The following CALD1 variants were observed in gnomAD, a reference collection of about 807,000 sequenced individuals.
CALD1 encodes caldesmon 1, also known as caldesmon.
Under a neutral mutation model 99.9 loss-of-function variants are expected in CALD1, and 33 were observed. That is an observed-to-expected ratio of 0.33 (90% CI 0.25 to 0.44). The LOEUF (loss-of-function observed/expected upper bound fraction) is 0.44. CALD1 is among the 20% of genes least tolerant of loss of function. The probability of loss-of-function intolerance (pLI) is 1.00; values close to 1 mark genes in which losing one functional copy is unlikely to be tolerated. For synonymous variants in CALD1, 310 were observed against 325.0 expected (o/e 0.95, Z 0.50); for missense variants, 861 against 962.1 (o/e 0.89, Z 1.39).
intron 1 of CALD1, among the ~76,000 whole-genome samples, chr7:134,834,305 G>T (rs1360630189): frequency 6.6e-6 from 1 of 152,244 alleles, no homozygotes; most frequent in African/African-American, 2.4e-5. Context: ...CAGTTCTTGA[G>T]ATAATTATAT....
intron 1 of CALD1, among the ~76,000 whole-genome samples, chr7:134,815,230 G>A (rs1798515331): frequency 6.6e-6 from 1 of 151,984 alleles, no homozygotes; most frequent in Admixed American, 6.5e-5. Context: ...CACTAATATG[G>A]TTGGAATTTA....
chr7:134,872,686 A>AG (rs1801154374), intron 3 of CALD1, among the ~76,000 whole-genome samples: 1 of 152,164 alleles, frequency 6.6e-6, no homozygotes, highest in Non-Finnish European at 1.5e-5. Context: ...CAAAAGAGGG[A>AG]GAAAAAAAAT....
chr7:134,801,732 C>A (rs557761376), intron 1 of CALD1, among the ~76,000 whole-genome samples: 3 of 152,254 alleles, frequency 2.0e-5, no homozygotes, highest in Admixed American at 2.0e-4. Context: ...GATTCTCCCA[C>A]CTTAGCCTCC....
chr7:134,891,994 T>G (rs1802231439), intron 3 of CALD1, among the ~76,000 whole-genome samples: 1 of 152,194 alleles, frequency 6.6e-6, no homozygotes, highest in African/African-American at 2.4e-5. Flanking sequence ...AGCATTGTGT[T>G]TCTAAAGGTC....
At chr7:134,914,232 A>T (rs568720950) in intron 3 of CALD1, among the ~76,000 whole-genome samples, 26 of 152,192 alleles carry the variant, frequency 1.7e-4, no homozygotes, top group Admixed American at 6.5e-4. Context: ...AGGTGACAAG[A>T]ATAAAAAAGG....
At chr7:134,926,935 G>A (rs1463988554) in intron 3 of CALD1, among the ~76,000 whole-genome samples, 1 of 152,148 alleles carries the variant, frequency 6.6e-6, no homozygotes, top group Non-Finnish European at 1.5e-5. Context: ...TCTTACCACA[G>A]TTTTAAAAAG....
intron 9 of CALD1, among the ~76,000 whole-genome samples, chr7:134,952,624 C>A (rs1302550528): frequency 2.6e-5 from 4 of 152,012 alleles, no homozygotes; most frequent in Non-Finnish European, 4.4e-5. Context: ...GTGCACGCCA[C>A]CATGCCCAGC....
chr7:134,829,686 C>A (rs1799142518), intron 1 of CALD1, among the ~76,000 whole-genome samples: 1 of 152,056 alleles, frequency 6.6e-6, no homozygotes, highest in Admixed American at 6.6e-5. Flanking sequence ...ATTCTAGATG[C>A]ACTATGAAGC....
At chr7:134,791,066 TATTAAGAAATAAAA>T (rs1563003866) in intron 1 of CALD1, among the ~76,000 whole-genome samples, 2 of 27,096 alleles carry the variant, frequency 7.4e-5, no homozygotes, top group Non-Finnish European at 1.4e-4. Flanking sequence ...AGATACTACT[TATTAAGAAATAAAA>T]TCAGAAATAC....
At position 134,872,247 on chromosome 7, in the gene CALD1, C is replaced by T. The variant is rs142508438; in HGVS notation, c.71+4443C>T. On this transcript the variant is annotated intron_variant, in intron 3 of 14. Coordinates refer to ENST00000361675, the MANE Select transcript of CALD1 (RefSeq NM_033138.4). ...TGGTGGGTGCCTGTAATCCCAGCTA[C>T]TCTGGAGGCTGAGGTAAGGAGAATC... 2.6e-3 allele frequency among the ~76,000 whole-genome samples: 388 copies of T among 151,066 alleles called. 4 individuals are homozygous for T. Among genetic ancestry groups the T allele is most frequent in the African/African-American group, 9.0e-3 (369 of 41,198 alleles).
At chr7:134,945,409 A>T (rs986618535) in intron 7 of CALD1, among the ~76,000 whole-genome samples, 1 of 152,224 alleles carries the variant, frequency 6.6e-6, no homozygotes, top group African/African-American at 2.4e-5. Flanking sequence ...CAGTTTATTC[A>T]TTGTTTCATA....
At chr7:134,949,475 C>T (rs1209382619) in intron 8 of CALD1, among the ~76,000 whole-genome samples, 1 of 152,132 alleles carries the variant, frequency 6.6e-6, no homozygotes, top group Non-Finnish European at 1.5e-5. Context: ...GTTAATGAGA[C>T]AGTCTGTAAA....
the CALD1 span, among the ~76,000 whole-genome samples, chr7:134,724,184 C>T: frequency 1.3e-5 from 2 of 152,264 alleles, no homozygotes; most frequent in South Asian, 2.1e-4. Context: ...CTTCGAGTTC[C>T]AGCCCCTCAC....
chr7:134,939,775 C>A (rs1036610016), intron 6 of CALD1, among the ~76,000 whole-genome samples: 11 of 152,046 alleles, frequency 7.2e-5, no homozygotes, highest in African/African-American at 2.7e-4. Context: ...CCAGCCTGGC[C>A]AACAAGGTGA....
intron 2 of CALD1, among the ~76,000 whole-genome samples, chr7:134,850,350 CAG>C (rs758041113): frequency 3.3e-5 from 5 of 152,174 alleles, no homozygotes; most frequent in Non-Finnish European, 5.9e-5. Context: ...TGAGATGTAA[CAG>C]AGTGTTGTGA....
intron 3 of CALD1, among the ~76,000 whole-genome samples, chr7:134,895,133 ATAAATAAT>A (rs879938189): frequency 2.6e-5 from 4 of 151,324 alleles, no homozygotes; most frequent in Non-Finnish European, 4.4e-5. Flanking sequence ...AAATAAATAA[ATAAATAAT>A]TGGCACAATT....
intron 2 of CALD1, among the ~76,000 whole-genome samples, chr7:134,856,726 T>C (rs1427923614): frequency 6.6e-6 from 1 of 152,196 alleles, no homozygotes; most frequent in Non-Finnish European, 1.5e-5. Context: ...AAGACCAAGT[T>C]CTTTTCCACT....
At chr7:134,919,649 T>C (rs1246710732) in intron 3 of CALD1, among the ~76,000 whole-genome samples, 2 of 152,158 alleles carry the variant, frequency 1.3e-5, no homozygotes, top group Non-Finnish European at 2.9e-5. Flanking sequence ...GGTGGGAGAA[T>C]GGGGAATAAA....
At position 134,960,087 on chromosome 7, in the gene CALD1, C is replaced by G; in HGVS notation, c.2175C>G (p.Pro725=). The change falls in exon 12 of 15, where the codon CCC becomes CCG. Residue 725 remains proline, a synonymous_variant. Coordinates refer to ENST00000361675, the MANE Select transcript of CALD1 (RefSeq NM_033138.4). Reference sequence around the variant, plus strand: ...AGAAAGGGAATGTGTTTTCATCCCCCACTGCAGCAGGCACACCAAATAAGG... The same window carrying G: ...AGAAAGGGAATGTGTTTTCATCCCCGACTGCAGCAGGCACACCAAATAAGG... ...MWEKGNVFSS[P]TAAGTPNKET... is the part of the protein sequence containing the mutation. 1 of 1,614,128 alleles carries G rather than the reference C, an allele frequency of 6.2e-7. No homozygotes were observed. Among genetic ancestry groups the G allele is most frequent in the Non-Finnish European group, 8.5e-7 (1 of 1,179,986 alleles).
Sources: gnomAD v4.1 joint callset for allele counts (sites outside exome capture counted in the v4.1 genomes callset) on GRCh38, gnomAD v4.1.1 for gene constraint, MANE v1.5 for transcripts, NCBI Gene and HGNC (gene_info 2026-07-23, HGNC 2026-07-21) for gene names.